The following CFAP61 variants were observed in gnomAD, a reference collection of about 807,000 sequenced individuals.
CFAP61 encodes the protein cilia- and flagella-associated protein 61.
CFAP61 carries 107 observed loss-of-function variants against 135.6 expected under a neutral mutation model. The ratio of observed to expected loss-of-function variants is 0.79; its 90% CI spans 0.67 to 0.93. The LOEUF is 0.93. CFAP61 is among the 40% of genes least tolerant of loss of function. The probability of loss-of-function intolerance (pLI) is 0.00; values close to 1 mark genes in which losing one functional copy is unlikely to be tolerated. For synonymous variants in CFAP61, 575 were observed against 578.5 expected, an observed-to-expected ratio of 0.99 and a Z score of 0.09; for missense variants, 1,507 against 1,556.2, an observed-to-expected ratio of 0.97 and a Z score of 0.53.
chr20:20,280,860 T>C (rs1001292088), intron 22 of CFAP61, among the ~76,000 whole-genome samples: 1 of 152,214 alleles, frequency 6.6e-6, no homozygotes, highest in African/African-American at 2.4e-5. Flanking sequence ...TTCCAGATAC[T>C]CCACGTTCTT....
At chr20:20,204,427 A>T (rs1302960934) in intron 17 of CFAP61, among the ~76,000 whole-genome samples, 4 of 152,148 alleles carry the variant, frequency 2.6e-5, no homozygotes, top group Admixed American at 2.0e-4. Context: ...GTGATCTCTC[A>T]GGAAGATGTC....
chr20:20,207,362 T>G (rs2056901398), intron 17 of CFAP61, among the ~76,000 whole-genome samples: 1 of 152,248 alleles, frequency 6.6e-6, no homozygotes, highest in South Asian at 2.1e-4. Flanking sequence ...CTGATCGGGT[T>G]CTTGCCACAA....
Position 20,196,710 on chromosome 20 carries a change from G to C in CFAP61, c.1731G>C (p.Glu577Asp), listed in dbSNP as rs746340286. ...ACTACACCAAGTTCTTTCTGAAGGA[G>C]ATCCTGCGTTTAGGCTTTAAATCCT... is the stretch of plus-strand genomic sequence containing the variant. ...FRHYTKFFLK[E>D]ILRLGFKSCL... The change falls in exon 16 of 27, where the codon GAG becomes GAC. Residue 577 changes from glutamate (E) to aspartate (D), a missense_variant. Coordinates refer to ENST00000245957, the MANE Select transcript of CFAP61 (RefSeq NM_015585.4). 6.2e-7 allele frequency: 1 copy of C among 1,614,162 alleles called. No individual in the cohort carries two copies. Among genetic ancestry groups the C allele is most frequent in the Admixed American group, 1.7e-5 (1 of 60,018 alleles).
At chr20:20,074,400 G>A in intron 4 of CFAP61, 22 bp downstream of exon 4, 2 of 1,595,136 alleles carry the variant, frequency 1.3e-6, no homozygotes, top group Non-Finnish European at 1.7e-6. Flanking sequence ...TGGCCGTGCA[G>A]TGGTGAACAT....
At chr20:20,142,975 A>G (rs879098116) in intron 9 of CFAP61, 27 bp downstream of exon 9, 19 of 1,408,624 alleles carry the variant, frequency 1.3e-5, no homozygotes, top group African/African-American at 2.8e-5. Flanking sequence ...CTCCATGCCT[A>G]GGGTGGGGGG....
chr20:20,357,866 G>A (rs2059298058), intron 26 of CFAP61, among the ~76,000 whole-genome samples: 2 of 138,500 alleles, frequency 1.4e-5, no homozygotes, highest in Admixed American at 7.2e-5. Context: ...GAGGGGAGGT[G>A]GTCACACTGA....
chr20:20,066,756 T>C (rs1403413320), intron 2 of CFAP61, among the ~76,000 whole-genome samples: 1 of 151,980 alleles, frequency 6.6e-6, no homozygotes, highest in Non-Finnish European at 1.5e-5. Context: ...CAAACCACAA[T>C]GGCACGTGTA....
At chr20:20,210,173 C>T (rs2047530482) in intron 17 of CFAP61, among the ~76,000 whole-genome samples, 1 of 152,196 alleles carries the variant, frequency 6.6e-6, no homozygotes, top group South Asian at 2.1e-4. Context: ...AGGCAGTCTC[C>T]TTCCTGTATT....
intron 24 of CFAP61, among the ~76,000 whole-genome samples, chr20:20,293,339 A>G (rs1436324282): frequency 1.3e-5 from 2 of 152,240 alleles, no homozygotes; most frequent in Non-Finnish European, 2.9e-5. Context: ...CAGTATGTGA[A>G]CAGGACCCCT....
chr20:20,152,010 A>G (rs1307842724), intron 9 of CFAP61, among the ~76,000 whole-genome samples: 1 of 152,152 alleles, frequency 6.6e-6, no homozygotes, highest in Non-Finnish European at 1.5e-5. Flanking sequence ...TCAGATTTAC[A>G]GCAGGTTTCT....
At chr20:20,205,278 T>C (rs1416408352) in intron 17 of CFAP61, among the ~76,000 whole-genome samples, 1 of 152,190 alleles carries the variant, frequency 6.6e-6, no homozygotes. Context: ...TCTAGTCCTC[T>C]CATCAGCACA....
intron 1 of CFAP61, 109 bp downstream of exon 1, chr20:20,052,700 T>C (rs1312577168): frequency 4.3e-6 from 7 of 1,611,832 alleles, no homozygotes; most frequent in Non-Finnish European, 5.1e-6. Context: ...CGAGGACGAG[T>C]GGCTCTGTCG....
chr20:20,146,403 C>G (rs2424278), intron 9 of CFAP61, among the ~76,000 whole-genome samples: 137,249 of 152,270 alleles, frequency 0.9, 62,673 homozygotes, highest in Middle Eastern at 0.99. Context: ...AAAATAGCAA[C>G]TTTTGGTATT....
In CFAP61 at chr20:20,121,105, T is replaced by TC. The variant is rs1294522203; in HGVS notation, c.860-21752_860-21751insC. Among the ~76,000 whole-genome samples, 35 of 105,402 alleles carry TC rather than the reference T, an allele frequency of 3.3e-4. No individual in the cohort carries two copies. In the South Asian group the frequency reaches 0.01, roughly 30 times the overall value. 69.1% of individuals were successfully genotyped at this position (105,402 alleles called of 152,430 possible). A position where few individuals can be genotyped will look rare whatever the true frequency, so the allele number is the denominator to read the frequency against. On this transcript the variant is annotated intron_variant, in intron 8 of 26. Coordinates refer to ENST00000245957, the MANE Select transcript of CFAP61 (RefSeq NM_015585.4). ...TTGCTCTATGTCTTTTATTTTTACT[T>TC]TTTTTTTTTTTTTTTTTTTGAGACA...
intron 13 of CFAP61, among the ~76,000 whole-genome samples, chr20:20,182,654 CTTAA>C (rs781656031): frequency 3.3e-5 from 5 of 152,186 alleles, no homozygotes; most frequent in South Asian, 4.2e-4. Context: ...GGAAATATGT[CTTAA>C]TTGAGAGTTT....
chr20:20,251,572 T>G (rs762935543), intron 19 of CFAP61, 23 bp from the exon 20 acceptor site: 2 of 1,611,964 alleles, frequency 1.2e-6, no homozygotes. Context: ...CAGATGTCAC[T>G]TACGGAGCTT....
At position 20,090,009 on chromosome 20, in the gene CFAP61, A is replaced by G. The variant is rs554316165; in HGVS notation, c.567-835A>G. Among the ~76,000 whole-genome samples, 5 of 152,360 alleles carry G rather than the reference A, an allele frequency of 3.3e-5. No individual in the cohort carries two copies. In the East Asian group the frequency reaches 9.6e-4, roughly 29 times the overall value. On this transcript the variant is annotated intron_variant, in intron 6 of 26. Coordinates refer to ENST00000245957, the MANE Select transcript of CFAP61 (RefSeq NM_015585.4). ...TTTAATATGTAACTATGAAACAGGA[A>G]GGGACTTATAGTGGTTACTGTTTTT...
intron 17 of CFAP61, 115 bp downstream of exon 17, chr20:20,200,017 G>A: frequency 8.1e-7 from 1 of 1,241,852 alleles, no homozygotes; most frequent in Non-Finnish European, 1.1e-6. Flanking sequence ...CAGGGAACCT[G>A]GTGCTCATAC....
At chr20:20,064,187 C>G (rs1031588068) in intron 2 of CFAP61, among the ~76,000 whole-genome samples, 1 of 152,146 alleles carries the variant, frequency 6.6e-6, no homozygotes, top group Non-Finnish European at 1.5e-5. Context: ...TCCATCGTAA[C>G]TAAGCATTTG....
Sources: allele counts gnomAD v4.1 joint callset (sites outside exome capture counted in the v4.1 genomes callset), GRCh38; gene constraint gnomAD v4.1.1; transcripts MANE v1.5; gene names NCBI Gene and HGNC (gene_info 2026-07-23, HGNC 2026-07-21).